Variants in HYCC1 observed in about 807,000 individuals in gnomAD.
HYCC1 encodes hyccin PI4KA lipid kinase complex subunit 1, also known as hyccin.
the HYCC1 span, among the ~76,000 whole-genome samples, chr7:23,011,800 A>G: frequency 7.8e-4 from 119 of 152,248 alleles, 1 homozygote; most frequent in Non-Finnish European, 1.3e-3. Context: ...TTGCCTTCTC[A>G]ATTACTATAT....
chr7:22,912,114 A>G, the HYCC1 span, among the ~76,000 whole-genome samples: 1 of 152,278 alleles, frequency 6.6e-6, no homozygotes, highest in Non-Finnish European at 1.5e-5. Flanking sequence ...GCATACAAGC[A>G]TAGCTGATAA....
chr7:22,993,141 T>C, the HYCC1 span, among the ~76,000 whole-genome samples: 2 of 152,170 alleles, frequency 1.3e-5, no homozygotes, highest in African/African-American at 4.8e-5. Context: ...GAGGAAAGGA[T>C]GCTCTTTATA....
chr7:22,925,309 G>A, the HYCC1 span, among the ~76,000 whole-genome samples: 23 of 152,204 alleles, frequency 1.5e-4, no homozygotes, highest in Non-Finnish European at 2.9e-4. Context: ...CTCCTCACCA[G>A]CAACAGAACA....
chr7:22,906,404 C>T, the HYCC1 span, among the ~76,000 whole-genome samples: 19 of 151,892 alleles, frequency 1.3e-4, 1 homozygote, highest in African/African-American at 4.6e-4. Flanking sequence ...ATGGTGAAAC[C>T]CCACGTCTAC....
chr7:22,914,784 T>G, the HYCC1 span, among the ~76,000 whole-genome samples: 1 of 152,090 alleles, frequency 6.6e-6, no homozygotes, highest in African/African-American at 2.4e-5. Flanking sequence ...TCCTCCCCAG[T>G]CTGCTCCTCA....
chr7:22,923,066 T>C, the HYCC1 span, among the ~76,000 whole-genome samples: 2 of 152,178 alleles, frequency 1.3e-5, no homozygotes, highest in African/African-American at 4.8e-5. Context: ...AAATTTGACC[T>C]AACACACATT....
At chr7:23,002,152 A>ATATATATATACACAATTT in the HYCC1 span, among the ~76,000 whole-genome samples, 1 of 23,612 alleles carries the variant, frequency 4.2e-5, no homozygotes, top group African/African-American at 2.4e-4. Context: ...ATATATATAT[A>ATATATATATACACAATTT]TATATATATA....
chr7:22,941,986 T>C, the HYCC1 span: 1 of 152,200 alleles, frequency 6.6e-6, no homozygotes, highest in African/African-American at 2.4e-5. Context: ...TCAACATGTA[T>C]ATATTTCCTT....
chr7:22,984,621 C>T, the HYCC1 span, among the ~76,000 whole-genome samples: 4 of 152,100 alleles, frequency 2.6e-5, no homozygotes, highest in African/African-American at 9.7e-5. Flanking sequence ...ACTCGAGAAG[C>T]TAAGGTGGGA....
the HYCC1 span, among the ~76,000 whole-genome samples, chr7:22,898,604 CTTTTT>C: frequency 2.5e-5 from 1 of 39,796 alleles, no homozygotes; most frequent in Non-Finnish European, 6.3e-5. Flanking sequence ...CTTTTCTTTT[CTTTTT>C]TTTTTTTTTT....
chr7:22,949,720 C>A, the HYCC1 span, among the ~76,000 whole-genome samples: 1 of 151,686 alleles, frequency 6.6e-6, no homozygotes, highest in African/African-American at 2.4e-5. Flanking sequence ...TAAAGCAGTA[C>A]CACGCAACTG....
chr7:22,968,953 T>G, the HYCC1 span, among the ~76,000 whole-genome samples: 1 of 151,640 alleles, frequency 6.6e-6, no homozygotes, highest in South Asian at 2.1e-4. Flanking sequence ...GCCACTGCAC[T>G]CCTGCCTGGG....
the HYCC1 span, chr7:22,943,196 C>T: frequency 1.3e-5 from 2 of 149,756 alleles, no homozygotes; most frequent in African/African-American, 4.8e-5. Context: ...AATTCAAATA[C>T]TTAAGAAGCC....
the HYCC1 span, among the ~76,000 whole-genome samples, chr7:22,998,084 G>A: frequency 6.6e-6 from 1 of 152,134 alleles, no homozygotes; most frequent in Admixed American, 6.5e-5. Context: ...GCACGTTCAA[G>A]GTGGTATGGT....
chr7:23,012,270 G>A, the HYCC1 span, among the ~76,000 whole-genome samples: 1 of 152,144 alleles, frequency 6.6e-6, no homozygotes, highest in Non-Finnish European at 1.5e-5. Context: ...TAAACTCACC[G>A]TCAAAGACAC....
the HYCC1 span, among the ~76,000 whole-genome samples, chr7:22,921,052 C>G: frequency 3.3e-5 from 5 of 152,212 alleles, no homozygotes; most frequent in Non-Finnish European, 7.3e-5. Context: ...ATGCTGGCAC[C>G]ATGCTACCTG....
the HYCC1 span, among the ~76,000 whole-genome samples, chr7:22,998,476 T>A: frequency 6.6e-6 from 1 of 152,144 alleles, no homozygotes; most frequent in Non-Finnish European, 1.5e-5. Context: ...TTTTTTAAAA[T>A]TTTTTTCAAA....
At chr7:22,930,393 G>GAAAAAAAAAAAA in the HYCC1 span, among the ~76,000 whole-genome samples, 4 of 101,098 alleles carry the variant, frequency 4.0e-5, no homozygotes, top group Non-Finnish European at 4.4e-5. Flanking sequence ...AAAAGAAAAA[G>GAAAAAAAAAAAA]AAAAAAAAAA....
the HYCC1 span, among the ~76,000 whole-genome samples, chr7:22,989,526 A>AT: frequency 4.4e-4 from 65 of 148,094 alleles, no homozygotes; most frequent in South Asian, 1.7e-3. Flanking sequence ...TTATTTATTT[A>AT]TTTTTTTTTT....
Sources: gnomAD v4.1 joint callset for allele counts (sites outside exome capture counted in the v4.1 genomes callset) on GRCh38, gnomAD v4.1.1 for gene constraint, MANE v1.5 for transcripts, NCBI Gene and HGNC (gene_info 2026-07-23, HGNC 2026-07-21) for gene names.